Variants in ZFHX3 observed in about 807,000 individuals in gnomAD.
ZFHX3 encodes zinc finger homeobox protein 3.
In ZFHX3, 42 loss-of-function variants were observed where a neutral mutation model predicts 279.1. The observed-to-expected ratio is 0.15, with a 90% CI of 0.12 to 0.19. The LOEUF (loss-of-function observed/expected upper bound fraction) is 0.19, where lower values mean the gene tolerates loss of function less well. Among genes scored for constraint, ZFHX3 ranks in the 10% least tolerant of loss-of-function variants. The probability of loss-of-function intolerance (pLI) is 1.00; values close to 1 mark genes in which losing one functional copy is unlikely to be tolerated. For missense variants in ZFHX3, 4,981 were observed against 4,754.0 expected (o/e 1.05, Z -1.40); for synonymous variants, 2,293 against 1,957.8 (o/e 1.17, Z -4.52).
intron 1 of ZFHX3, chr16:73,015,931 C>G (rs4788689): frequency 0.19 from 29,632 of 152,224 alleles, 3,102 homozygotes; most frequent in Admixed American, 0.28. Flanking sequence ...ACACACCATA[C>G]GGGCACTGGC....
intron 3 of ZFHX3, among the ~76,000 whole-genome samples, chr16:72,939,685 C>G (rs974082767): frequency 4.6e-5 from 7 of 152,172 alleles, no homozygotes; most frequent in African/African-American, 1.7e-4. Flanking sequence ...GTCAGGAGTT[C>G]GAGACCAGCC....
chr16:73,179,950 C>T (rs1165191132), intron 5 of ZFHX3, among the ~76,000 whole-genome samples: 1 of 152,120 alleles, frequency 6.6e-6, no homozygotes, highest in Non-Finnish European at 1.5e-5. Context: ...TCAAACAGAG[C>T]TCGGGCACAA....
At chr16:73,516,745 G>T (rs1360295955) in intron 2 of ZFHX3, among the ~76,000 whole-genome samples, 1 of 152,112 alleles carries the variant, frequency 6.6e-6, no homozygotes, top group East Asian at 1.9e-4. Context: ...TGTCTGACTT[G>T]CTCATGACTG....
chr16:72,826,521 T>A (rs958852998), intron 5 of ZFHX3, among the ~76,000 whole-genome samples: 6 of 152,116 alleles, frequency 3.9e-5, no homozygotes, highest in Non-Finnish European at 8.8e-5. Context: ...TATAAAATAA[T>A]AAGGATCCAG....
rs550301911 is a variant in ZFHX3 at position 73,537,362 on chromosome 16, G to T, written c.-1546-81104C>A. On this transcript the variant is annotated intron_variant, in intron 2 of 17. Transcript: ENST00000641206. The stretch of plus-strand genomic sequence containing the variant: ...TTTTTAGTCTCACTCTGTTGCCCAG[G>T]CTGGAGTGCAGTGGCGCGATCTTGA... Among the ~76,000 whole-genome samples the T allele has an allele frequency of 4.6e-4, 61 of 131,530 alleles. 1 individual carries two copies. The South Asian group carries it at 7.5e-3, about 16-fold the overall frequency. The allele number at this position is 131,530 out of a possible 152,430, so 86.3% of individuals were successfully genotyped here. A position where few individuals can be genotyped will look rare whatever the true frequency, so the allele number is the denominator to read the frequency against.
At chr16:73,299,083 A>G (rs2014993936) in intron 4 of ZFHX3, among the ~76,000 whole-genome samples, 1 of 152,226 alleles carries the variant, frequency 6.6e-6, no homozygotes, top group Non-Finnish European at 1.5e-5. Context: ...ATAAATTATG[A>G]TGATGATTAT....
At position 72,793,108 on chromosome 16, in the gene ZFHX3, C is replaced by T. The variant is rs994387139; in HGVS notation, c.9427+147G>A. The stretch of plus-strand genomic sequence containing the variant: ...CAGTACTTGGGAGACTCAACAGGAA[C>T]GAACTGAAGTCTTGTTGCTTTTAAA... On this transcript the variant is annotated intron_variant, in intron 9 of 9. Coordinates refer to ENST00000268489, the MANE Select transcript of ZFHX3 (RefSeq NM_006885.4). The surrounding 1 kb of genome is among the most constrained non-coding windows in gnomAD (Gnocchi z 4.3). The T allele has an allele frequency of 4.0e-5, 57 of 1,416,870 alleles. No individual in the cohort carries two copies. Among genetic ancestry groups the T allele is most frequent in the Non-Finnish European group, 5.0e-5 (53 of 1,060,844 alleles). The allele number at this position is 1,416,870 out of a possible 1,614,324, so 87.8% of individuals were successfully genotyped here.
At chr16:72,886,994 A>T (rs913742491) in intron 4 of ZFHX3, among the ~76,000 whole-genome samples, 2 of 152,250 alleles carry the variant, frequency 1.3e-5, no homozygotes. Flanking sequence ...TCTTGCAGTG[A>T]CCTTCAAGTG....
At chr16:73,159,979 T>C (rs1363229607) in intron 5 of ZFHX3, among the ~76,000 whole-genome samples, 2 of 152,170 alleles carry the variant, frequency 1.3e-5, no homozygotes. Flanking sequence ...ACCAGGTGGG[T>C]CTCGAACTCC....
rs186720007 is a variant in ZFHX3 at position 73,863,131 on chromosome 16, G to A, written c.-1608+28520C>T. Among the ~76,000 whole-genome samples, 687 of 152,204 alleles carry A rather than the reference G, an allele frequency of 4.5e-3. 4 individuals are homozygous for A. The highest frequency in any genetic ancestry group is 7.5e-3 in the Non-Finnish European group (513 of 68,012). On this transcript the variant is annotated intron_variant, in intron 1 of 17. Transcript: ENST00000641206. ...TGAAGCAGGAGAATGGCTTGAACCC[G>A]GGAGGCGGAGGTTGCAGTGAGCGGA...
At chr16:73,486,199 T>C (rs79726599) in intron 2 of ZFHX3, among the ~76,000 whole-genome samples, 142 of 152,320 alleles carry the variant, frequency 9.3e-4, no homozygotes, top group African/African-American at 3.4e-3. Context: ...ACAGGAAATA[T>C]CCTCTCCATT....
chr16:72,896,584 A>T (rs901363491), intron 3 of ZFHX3, among the ~76,000 whole-genome samples: 8 of 152,244 alleles, frequency 5.3e-5, no homozygotes, highest in African/African-American at 1.7e-4. Context: ...CAGCCTCGTC[A>T]AACACTGAAA....
chr16:72,994,597 G>A (rs1157537774), intron 1 of ZFHX3, among the ~76,000 whole-genome samples: 1 of 152,234 alleles, frequency 6.6e-6, no homozygotes, highest in Non-Finnish European at 1.5e-5. Flanking sequence ...CCAGGTGGAT[G>A]GCAGGGAGCA....
intron 3 of ZFHX3, among the ~76,000 whole-genome samples, chr16:72,895,827 A>G (rs979339113): frequency 2.0e-5 from 3 of 152,136 alleles, no homozygotes; most frequent in African/African-American, 7.2e-5. Context: ...CTGTCTCAGT[A>G]AATAGATTAG....
intron 5 of ZFHX3, among the ~76,000 whole-genome samples, chr16:73,200,553 C>T (rs1000860960): frequency 1.3e-5 from 2 of 151,970 alleles, no homozygotes; most frequent in African/African-American, 4.8e-5. Context: ...TTAGATTGGC[C>T]CTGTGAGGAA....
intron 8 of ZFHX3, among the ~76,000 whole-genome samples, chr16:73,086,196 A>T (rs2144771418): frequency 6.6e-6 from 1 of 152,334 alleles, no homozygotes; most frequent in Non-Finnish European, 1.5e-5. Flanking sequence ...GGCTTTTATC[A>T]AAACGACAAA....
intron 2 of ZFHX3, among the ~76,000 whole-genome samples, chr16:73,463,909 C>CT (rs1567491814): frequency 6.6e-6 from 1 of 152,178 alleles, no homozygotes; most frequent in African/African-American, 2.4e-5. Context: ...GTTCTGACTC[C>CT]TTTTTTTGCT....
At chr16:73,380,729 T>C (rs1200026889) in intron 3 of ZFHX3, among the ~76,000 whole-genome samples, 1 of 152,180 alleles carries the variant, frequency 6.6e-6, no homozygotes, top group African/African-American at 2.4e-5. Context: ...AGTGGCCAGG[T>C]GCAGGGACTC....
At chr16:72,920,328 C>A (rs867837676) in intron 3 of ZFHX3, among the ~76,000 whole-genome samples, 13 of 152,090 alleles carry the variant, frequency 8.5e-5, no homozygotes, top group African/African-American at 2.7e-4. Context: ...ATACACACAG[C>A]CACCAACAGG....
Sources: gnomAD v4.1 joint callset for allele counts (sites outside exome capture counted in the v4.1 genomes callset) on GRCh38, gnomAD v4.1.1 for gene constraint, Gnocchi (gnomAD v3.1) non-coding constraint, MANE v1.5 for transcripts, NCBI Gene and HGNC (gene_info 2026-07-23, HGNC 2026-07-21) for gene names.